PLXDC1: variants seen among roughly 807,000 people sequenced by gnomAD.
The protein encoded by PLXDC1 is plexin domain containing 1.
In PLXDC1, 39 loss-of-function variants were observed where a neutral mutation model predicts 61.3. The ratio of observed to expected loss-of-function variants is 0.64; its 90% CI spans 0.49 to 0.83. PLXDC1 has a LOEUF of 0.83. Ranked by LOEUF, PLXDC1 falls within the 40% of genes least tolerant of loss-of-function variation. The pLI is 0.00. For missense variants in PLXDC1, 596 were observed against 666.5 expected (o/e 0.89, Z 1.17); for synonymous variants, 212 against 254.5 (o/e 0.83, Z 1.59).
At chr17:39,083,851 A>C (rs376187927) in intron 8 of PLXDC1, among the ~76,000 whole-genome samples, 57 of 151,008 alleles carry the variant, frequency 3.8e-4, no homozygotes, top group Middle Eastern at 3.2e-3. Context: ...CTCCCTCCCT[A>C]CCTACCTTCC....
chr17:39,105,755 T>C (rs1910567722), intron 7 of PLXDC1, 99 bp downstream of exon 7: 1 of 707,712 alleles, frequency 1.4e-6, no homozygotes, highest in African/African-American at 1.8e-5. Flanking sequence ...CTCTGCCCCT[T>C]GTCTACTCCC....
At chr17:39,109,073 C>T in intron 3 of PLXDC1, 100 bp from the exon 4 acceptor site, 7 of 1,254,634 alleles carry the variant, frequency 5.6e-6, no homozygotes. Context: ...GGGGAGCAGG[C>T]ATGCCCAGGG....
rs767041204 is a variant in PLXDC1, at chr17:39,139,605, C to A, written c.255+49G>T. The A allele has an allele frequency of 2.3e-5, 35 of 1,494,486 alleles. No homozygotes were observed. The East Asian group carries it at 7.1e-4, about 30-fold the overall frequency. 92.6% of individuals were successfully genotyped at this position (1,494,486 alleles called of 1,614,324 possible). ...AGCACACCTGGGGCAGCTGGTGAGA[C>A]CTCCCCCACCCCCACTTCGCTCCCC... On this transcript the variant is annotated intron_variant, in intron 2 of 13. Transcript: ENST00000315392.
At chr17:39,084,590 G>T (rs770425371) in intron 8 of PLXDC1, among the ~76,000 whole-genome samples, 1 of 152,240 alleles carries the variant, frequency 6.6e-6, no homozygotes, top group Non-Finnish European at 1.5e-5. Flanking sequence ...AGGCAGAAAG[G>T]TCCCATGTGC....
chr17:39,093,710 C>T (rs1033604460), intron 7 of PLXDC1, among the ~76,000 whole-genome samples: 4 of 111,046 alleles, frequency 3.6e-5, no homozygotes, highest in African/African-American at 1.3e-4. Flanking sequence ...AGAAAGACTC[C>T]GTCTTAAAAT....
chr17:39,147,720 C>T (rs540704243), intron 1 of PLXDC1, among the ~76,000 whole-genome samples: 4 of 152,116 alleles, frequency 2.6e-5, no homozygotes, highest in Middle Eastern at 6.8e-3. Flanking sequence ...GAGTTCAGCT[C>T]TCTATGTGTG....
At chr17:39,080,187 G>C (rs1490911880) in intron 9 of PLXDC1, 1 of 153,150 alleles carries the variant, frequency 6.5e-6, no homozygotes, top group Non-Finnish European at 1.5e-5. Flanking sequence ...TGAGGCAGGA[G>C]GATTGCTTGA....
chr17:39,144,271 A>G (rs1912025108), intron 1 of PLXDC1, among the ~76,000 whole-genome samples: 1 of 152,152 alleles, frequency 6.6e-6, no homozygotes, highest in Non-Finnish European at 1.5e-5. Flanking sequence ...TAGTGACTCA[A>G]ATGGATTTGA....
chr17:39,151,933 G>T (rs1039886756), upstream of PLXDC1, among the ~76,000 whole-genome samples: 1 of 152,084 alleles, frequency 6.6e-6, no homozygotes, highest in African/African-American at 2.4e-5. The surrounding 1 kb of genome is among the most constrained non-coding windows in gnomAD (Gnocchi z 5.2). Flanking sequence ...CAGAGAGAAG[G>T]CCCGAGGACT....
intron 13 of PLXDC1, 100 bp from the exon 14 acceptor site, chr17:39,068,059 G>T: frequency 8.7e-7 from 1 of 1,148,438 alleles, no homozygotes; most frequent in Non-Finnish European, 1.2e-6. Context: ...TCTCTTATAA[G>T]GGCCCTGGGG....
At chr17:39,150,904 C>T (rs1295622531) in intron 1 of PLXDC1, among the ~76,000 whole-genome samples, 2 of 152,218 alleles carry the variant, frequency 1.3e-5, no homozygotes, top group Admixed American at 6.5e-5. Flanking sequence ...ATCCCCCTGG[C>T]TGCTCCCACC....
chr17:39,083,423 G>A, intron 9 of PLXDC1, 36 bp downstream of exon 9: 1 of 1,564,506 alleles, frequency 6.4e-7, no homozygotes, highest in Non-Finnish European at 8.8e-7. Context: ...TCCACAGTCG[G>A]CCAGTGGGAG....
chr17:39,072,074 C>A, intron 12 of PLXDC1: 1 of 241,092 alleles, frequency 4.1e-6, no homozygotes, highest in South Asian at 1.1e-4. Context: ...CTCTCCACCC[C>A]TTGCTGACTA....
intron 1 of PLXDC1, chr17:39,144,758 C>G (rs929571575): frequency 6.6e-6 from 1 of 152,232 alleles, no homozygotes; most frequent in Admixed American, 6.5e-5. Flanking sequence ...CATGTGTTGC[C>G]AAGGAGCTTC....
intron 7 of PLXDC1, among the ~76,000 whole-genome samples, chr17:39,097,307 G>T (rs993138108): frequency 6.6e-6 from 1 of 152,172 alleles, no homozygotes; most frequent in Non-Finnish European, 1.5e-5. Context: ...ATTATCCATG[G>T]TGATCATAGG....
intron 1 of PLXDC1, among the ~76,000 whole-genome samples, chr17:39,145,844 C>T (rs779825751): frequency 1.2e-4 from 19 of 152,158 alleles, no homozygotes; most frequent in Non-Finnish European, 1.5e-4. Flanking sequence ...CTCTCTAAGA[C>T]TCAGTTTCCT....
chr17:39,109,145 G>A, intron 3 of PLXDC1, 103 bp downstream of exon 3: 1 of 1,464,050 alleles, frequency 6.8e-7, no homozygotes, highest in Non-Finnish European at 9.3e-7. Flanking sequence ...GTACCTCCCA[G>A]GTCACAGACC....
chr17:39,151,685 C>G (rs1382162922), upstream of PLXDC1: 1 of 12,654 alleles, frequency 7.9e-5, no homozygotes, highest in East Asian at 1.9e-3. The surrounding 1 kb of genome is among the most constrained non-coding windows in gnomAD (Gnocchi z 5.2). Flanking sequence ...TGGGGGGGAG[C>G]TGGGGCAGGG....
intron 1 of PLXDC1, among the ~76,000 whole-genome samples, chr17:39,149,576 A>G (rs186966366): frequency 6.6e-6 from 1 of 152,288 alleles, no homozygotes; most frequent in African/African-American, 2.4e-5. Flanking sequence ...TCCTGGCTCA[A>G]TCTCTGTCAA....
Sources: gnomAD v4.1 joint callset for allele counts (sites outside exome capture counted in the v4.1 genomes callset) on GRCh38, gnomAD v4.1.1 for gene constraint, Gnocchi (gnomAD v3.1) non-coding constraint, MANE v1.5 for transcripts, NCBI Gene and HGNC (gene_info 2026-07-23, HGNC 2026-07-21) for gene names.